TOX2: variants seen among roughly 807,000 people sequenced by gnomAD.
TOX2 encodes granulosa cell HMG box 1.
TOX2 carries 15 observed loss-of-function variants against 47.4 expected under a neutral mutation model. The ratio of observed to expected loss-of-function variants is 0.32; its 90% confidence interval spans 0.21 to 0.49. The LOEUF (loss-of-function observed/expected upper bound fraction) is 0.49, where lower values mean the gene tolerates loss of function less well. Among genes scored for constraint, TOX2 ranks in the 20% least tolerant of loss-of-function variants. The probability of loss-of-function intolerance (pLI) is 0.99; values close to 1 mark genes in which losing one functional copy is unlikely to be tolerated. For missense variants in TOX2, 622 were observed against 673.1 expected (o/e 0.92, Z 0.84); for synonymous variants, 290 against 296.6 (o/e 0.98, Z 0.23).
At position 44,069,135 on chromosome 20, in the gene TOX2, C is replaced by G. The variant is rs1041913443; in HGVS notation, c.*449C>G. The G allele has an allele frequency of 2.8e-6, 1 of 354,858 alleles. No individual in the cohort carries two copies. The highest frequency in any genetic ancestry group is 2.1e-5 in the African/African-American group (1 of 46,906). The allele number at this position is 354,858 out of a possible 1,614,324, so 22.0% of individuals were successfully genotyped here. On this transcript the variant is annotated 3_prime_UTR_variant, in exon 9 of 9. Transcript: ENST00000341197. ...CAGTGTGAACAAAAGATTACGAAACCTAGAAACTGTTGGTTCCGTGTAAGT... is the reference window on the plus strand; with the variant it reads ...CAGTGTGAACAAAAGATTACGAAACGTAGAAACTGTTGGTTCCGTGTAAGT...
intron 2 of TOX2, among the ~76,000 whole-genome samples, chr20:43,988,354 A>T (rs1452220668): frequency 2.0e-5 from 3 of 152,240 alleles, no homozygotes; most frequent in Admixed American, 6.5e-5. Flanking sequence ...CAGACAACAC[A>T]CATGCTTGTG....
In TOX2 at chr20:43,955,967, T is replaced by C. The variant is rs762820391; in HGVS notation, c.100-17400T>C. On this transcript the variant is annotated intron_variant, in intron 1 of 8. Coordinates refer to ENST00000341197, the MANE Select transcript of TOX2 (RefSeq NM_001098797.2). ...CAGTGTGGCCCTTGAAGCTCCCTTG[T>C]GATAAGGCCCTGCTTGCCTTTCTGT... 8.9e-4 allele frequency among the ~76,000 whole-genome samples: 136 copies of C among 152,206 alleles called. 2 individuals carry two copies. Among genetic ancestry groups the C allele is most frequent in the Non-Finnish European group, 5.9e-4 (40 of 68,040 alleles).
At chr20:43,989,103 T>A (rs1032516990) in intron 2 of TOX2, among the ~76,000 whole-genome samples, 4 of 152,174 alleles carry the variant, frequency 2.6e-5, no homozygotes, top group Non-Finnish European at 5.9e-5. Context: ...TTGTTAGGCA[T>A]GCAGCATCTC....
chr20:43,973,143 CA>C (rs1360659332), intron 1 of TOX2, among the ~76,000 whole-genome samples: 1 of 152,228 alleles, frequency 6.6e-6, no homozygotes, highest in Non-Finnish European at 1.5e-5. Flanking sequence ...GTGTGATTAA[CA>C]GCATGAACCT....
intron 1 of TOX2, among the ~76,000 whole-genome samples, chr20:43,928,653 C>A (rs140806379): frequency 6.6e-6 from 1 of 152,240 alleles, no homozygotes; most frequent in Non-Finnish European, 1.5e-5. Context: ...TCTGTCAACA[C>A]GCCCTGTCAT....
At chr20:43,946,936 G>A (rs2069483781) in intron 1 of TOX2, among the ~76,000 whole-genome samples, 1 of 152,186 alleles carries the variant, frequency 6.6e-6, no homozygotes, top group Non-Finnish European at 1.5e-5. Flanking sequence ...GTGCATGTGT[G>A]TCCCAGCAAA....
chr20:43,955,259 G>A (rs2145407121), intron 1 of TOX2: 1 of 985,470 alleles, frequency 1.0e-6, no homozygotes, highest in Non-Finnish European at 1.2e-6. Context: ...GCTGAGAGCT[G>A]TGGATCTGTG....
chr20:43,967,456 A>G (rs1459819480), intron 1 of TOX2, among the ~76,000 whole-genome samples: 1 of 152,064 alleles, frequency 6.6e-6, no homozygotes, highest in Non-Finnish European at 1.5e-5. Flanking sequence ...CCAACCACTC[A>G]ACCCATTTTA....
intron 4 of TOX2, 78 bp from the exon 5 acceptor site, chr20:44,054,221 G>A (rs2071577156): frequency 8.2e-6 from 12 of 1,457,004 alleles, no homozygotes; most frequent in East Asian, 4.9e-5. Flanking sequence ...AGTGCAGCTC[G>A]GCCCAAGTCT....
intron 3 of TOX2, among the ~76,000 whole-genome samples, chr20:44,026,228 G>GATAGATATATATATATATAT (rs2071059908): frequency 3.3e-5 from 2 of 60,244 alleles, no homozygotes; most frequent in South Asian, 5.0e-4. Flanking sequence ...AAGAAACTGT[G>GATAGATATATATATATATAT]ATATATATAT....
At chr20:44,002,742 G>A (rs371630307) in intron 2 of TOX2, among the ~76,000 whole-genome samples, 4 of 152,296 alleles carry the variant, frequency 2.6e-5, no homozygotes, top group South Asian at 2.1e-4. Flanking sequence ...GGGGGAGCAG[G>A]CATGTCACAC....
intron 3 of TOX2, among the ~76,000 whole-genome samples, chr20:44,022,269 G>A (rs73292464): frequency 0.014 from 2,197 of 152,232 alleles, 48 homozygotes; most frequent in African/African-American, 0.05. Flanking sequence ...AGCTACATGC[G>A]TGTTGAGGAA....
At chr20:43,949,468 G>A (rs2069523481) in intron 1 of TOX2, among the ~76,000 whole-genome samples, 1 of 152,164 alleles carries the variant, frequency 6.6e-6, no homozygotes, top group Non-Finnish European at 1.5e-5. Flanking sequence ...TTTGTAATCA[G>A]CTGGATCTGT....
At chr20:44,068,626 G>A (rs1433085435) in intron 8 of TOX2, 24 bp from the exon 9 acceptor site, 2 of 1,604,890 alleles carry the variant, frequency 1.2e-6, no homozygotes, top group South Asian at 2.2e-5. Flanking sequence ...CAACAGCTTT[G>A]ACAGCCCCTC....
chr20:43,921,011 T>C (rs1402160665), intron 1 of TOX2, among the ~76,000 whole-genome samples: 18 of 152,216 alleles, frequency 1.2e-4, no homozygotes, highest in Admixed American at 1.2e-3. Context: ...GGCTTGGCAG[T>C]TGTAACCTGT....
chr20:44,015,131 C>T (rs1298062731), intron 3 of TOX2, among the ~76,000 whole-genome samples: 1 of 152,140 alleles, frequency 6.6e-6, no homozygotes, highest in Non-Finnish European at 1.5e-5. Context: ...AGGGGGAGCA[C>T]TGATCTCCCA....
chr20:44,012,522 G>C (rs184436999), intron 3 of TOX2, among the ~76,000 whole-genome samples: 2 of 152,278 alleles, frequency 1.3e-5, no homozygotes, highest in African/African-American at 4.8e-5. Flanking sequence ...GGAGTTGTGT[G>C]GTCTTGCTGT....
rs73908153 is a variant in TOX2, at chr20:44,022,290, C to T, written c.411+15498C>T. On this transcript the variant is annotated intron_variant, in intron 3 of 8. Transcript: ENST00000341197. Reference sequence around the variant, plus strand: ...ATGCGTGTTGAGGAAGTTACCCAGGCCCTCTGAACTTTAGTGTTTTTTTTT... The same window carrying T: ...ATGCGTGTTGAGGAAGTTACCCAGGTCCTCTGAACTTTAGTGTTTTTTTTT... Among the ~76,000 whole-genome samples the T allele has an allele frequency of 6.6e-3, 1,006 of 152,236 alleles. 7 individuals are homozygous for T. Among genetic ancestry groups the T allele is most frequent in the African/African-American group, 0.023 (961 of 41,550 alleles).
At chr20:43,944,564 C>T (rs2069441247) in intron 1 of TOX2, among the ~76,000 whole-genome samples, 1 of 152,174 alleles carries the variant, frequency 6.6e-6, no homozygotes, top group Non-Finnish European at 1.5e-5. Flanking sequence ...CCTCTCCCTC[C>T]TCCTGCAGAC....
Sources: gnomAD v4.1 joint callset for allele counts (sites outside exome capture counted in the v4.1 genomes callset) on GRCh38, gnomAD v4.1.1 for gene constraint, MANE v1.5 for transcripts, NCBI Gene and HGNC (gene_info 2026-07-23, HGNC 2026-07-21) for gene names.